The following LGSN variants were observed in gnomAD, a reference collection of about 807,000 sequenced individuals.
LGSN encodes the protein lengsin, lens protein with glutamine synthetase domain, also known as lengsin.
LGSN carries 21 observed loss-of-function variants against 19.5 expected under a neutral mutation model. The ratio of observed to expected loss-of-function variants is 1.07; its 90% CI spans 0.76 to 1.55. The LOEUF is 1.55. Ranked by LOEUF, LGSN falls within the 40% of genes most tolerant of loss-of-function variation. LGSN has a pLI of 0.00. For synonymous variants in LGSN, 257 were observed against 215.6 expected (o/e 1.19, Z -1.68); for missense variants, 673 against 608.5 (o/e 1.11, Z -1.12).
At chr6:63,316,931 C>G (rs1768890599) in intron 1 of LGSN, among the ~76,000 whole-genome samples, 1 of 151,952 alleles carries the variant, frequency 6.6e-6, no homozygotes, top group Non-Finnish European at 1.5e-5. Context: ...GGGGAAGGTG[C>G]TCTACCCTTT....
the LGSN span, among the ~76,000 whole-genome samples, chr6:63,529,291 C>T: frequency 6.6e-6 from 1 of 150,740 alleles, no homozygotes; most frequent in East Asian, 1.9e-4. Flanking sequence ...AAAATAATAC[C>T]TAGTCTTTCT....
chr6:63,283,793 C>G (rs1294873082), intron 3 of LGSN, among the ~76,000 whole-genome samples: 1 of 151,944 alleles, frequency 6.6e-6, no homozygotes, highest in Admixed American at 6.6e-5. Flanking sequence ...CTCCGCCTTC[C>G]GGGTTCAAGC....
the LGSN span, among the ~76,000 whole-genome samples, chr6:63,530,229 T>A: frequency 7.9e-4 from 120 of 152,260 alleles, no homozygotes; most frequent in Middle Eastern, 6.8e-3. Context: ...TTTTTTTTCA[T>A]ACACTGGAGT....
chr6:63,378,089 C>G, the LGSN span, among the ~76,000 whole-genome samples: 2 of 147,508 alleles, frequency 1.4e-5, no homozygotes, highest in African/African-American at 5.0e-5. Context: ...GAAAAGCAAT[C>G]TAGAAAGAGA....
the LGSN span, among the ~76,000 whole-genome samples, chr6:63,484,203 A>C: frequency 1.3e-5 from 2 of 151,978 alleles, no homozygotes; most frequent in East Asian, 3.9e-4. Context: ...TCCTAAAATA[A>C]ATAGGCATCA....
the LGSN span, chr6:63,572,869 T>C: frequency 2.6e-6 from 1 of 389,094 alleles, no homozygotes; most frequent in Non-Finnish European, 4.5e-6. Context: ...GGGCGGGTTA[T>C]GGCCCTGTGG....
At chr6:63,527,552 A>C in the LGSN span, among the ~76,000 whole-genome samples, 1 of 152,192 alleles carries the variant, frequency 6.6e-6, no homozygotes, top group Admixed American at 6.5e-5. Context: ...TTATAAAATA[A>C]TATTTTCACT....
At chr6:63,288,042 C>T (rs997475457) in intron 2 of LGSN, among the ~76,000 whole-genome samples, 2 of 151,470 alleles carry the variant, frequency 1.3e-5, no homozygotes, top group Non-Finnish European at 2.9e-5. Flanking sequence ...GGTGAAACCC[C>T]GTCTCTACAA....
chr6:63,467,335 G>A, the LGSN span, among the ~76,000 whole-genome samples: 11 of 151,944 alleles, frequency 7.2e-5, no homozygotes, highest in Non-Finnish European at 1.5e-4. Context: ...AGATCAACAT[G>A]GTTACTATAA....
the LGSN span, among the ~76,000 whole-genome samples, chr6:63,397,342 G>A: frequency 2.6e-5 from 4 of 151,952 alleles, no homozygotes; most frequent in Non-Finnish European, 4.4e-5. Flanking sequence ...AATGAAAAGT[G>A]GCAAAACAAC....
At chr6:63,313,818 A>G (rs1768728263) in intron 1 of LGSN, among the ~76,000 whole-genome samples, 2 of 152,098 alleles carry the variant, frequency 1.3e-5, no homozygotes, top group African/African-American at 2.4e-5. Context: ...CCTGGGCAAC[A>G]GAGTGAGACC....
At chr6:63,396,337 G>T in the LGSN span, 1 of 232,456 alleles carries the variant, frequency 4.3e-6, no homozygotes. Context: ...CCTGGTCTCA[G>T]GCTGCCTGCA....
At chr6:63,464,621 A>G in the LGSN span, among the ~76,000 whole-genome samples, 2 of 151,652 alleles carry the variant, frequency 1.3e-5, no homozygotes, top group African/African-American at 2.4e-5. Context: ...TTAAAAGAGG[A>G]CATTTAATTT....
At chr6:63,498,839 A>G in the LGSN span, among the ~76,000 whole-genome samples, 1 of 152,126 alleles carries the variant, frequency 6.6e-6, no homozygotes, top group Non-Finnish European at 1.5e-5. Flanking sequence ...TGATTAACGC[A>G]GGGAAGACTA....
chr6:63,326,139 G>C, the LGSN span, among the ~76,000 whole-genome samples: 1 of 152,134 alleles, frequency 6.6e-6, no homozygotes, highest in Non-Finnish European at 1.5e-5. Context: ...GCTAGATACA[G>C]AGTGTCGATT....
chr6:63,353,364 C>A, the LGSN span, among the ~76,000 whole-genome samples: 2 of 152,160 alleles, frequency 1.3e-5, no homozygotes, highest in South Asian at 4.1e-4. Context: ...GTCTCCTGTG[C>A]AGAAAATGTT....
At chr6:63,528,668 G>A in the LGSN span, among the ~76,000 whole-genome samples, 1 of 152,072 alleles carries the variant, frequency 6.6e-6, no homozygotes, top group African/African-American at 2.4e-5. Context: ...GGCTGAAGTG[G>A]GAGGATTACC....
the LGSN span, among the ~76,000 whole-genome samples, chr6:63,560,338 C>CAA: frequency 1.4e-4 from 7 of 50,458 alleles, no homozygotes; most frequent in Admixed American, 4.0e-4. Flanking sequence ...GACTCCGTCT[C>CAA]AAAAAAAAAA....
intron 1 of LGSN, among the ~76,000 whole-genome samples, chr6:63,312,817 G>A (rs558310028): frequency 2.0e-5 from 3 of 152,252 alleles, no homozygotes; most frequent in African/African-American, 4.8e-5. Flanking sequence ...AGTGGATTTC[G>A]CAGCTTGGTA....
Sources: allele counts gnomAD v4.1 joint callset (sites outside exome capture counted in the v4.1 genomes callset), GRCh38; gene constraint gnomAD v4.1.1; transcripts MANE v1.5; gene names NCBI Gene and HGNC (gene_info 2026-07-23, HGNC 2026-07-21).